DST: variants seen among roughly 807,000 people sequenced by gnomAD.
DST encodes the protein dystonin, also known as bullous pemphigoid antigen.
Under a neutral mutation model 875.2 loss-of-function variants are expected in DST, and 253 were observed. The ratio of observed to expected loss-of-function variants is 0.29; its 90% CI spans 0.26 to 0.32. The LOEUF (loss-of-function observed/expected upper bound fraction) is 0.32, where lower values mean the gene tolerates loss of function less well. DST is among the 10% of genes least tolerant of loss of function. The pLI is 1.00. For missense variants in DST, 8,287 were observed against 9,111.6 expected, an observed-to-expected ratio of 0.91 and a Z score of 3.68; for synonymous variants, 3,124 against 3,197.1, an observed-to-expected ratio of 0.98 and a Z score of 0.77.
At chr6:56,883,289 G>T (rs1235838366) in intron 3 of DST, among the ~76,000 whole-genome samples, 2 of 152,140 alleles carry the variant, frequency 1.3e-5, no homozygotes, top group Non-Finnish European at 2.9e-5. Flanking sequence ...TAAAACAGAA[G>T]AATATGCCTA....
At chr6:56,922,767 T>C (rs1162277552) in intron 2 of DST, among the ~76,000 whole-genome samples, 1 of 152,188 alleles carries the variant, frequency 6.6e-6, no homozygotes, top group African/African-American at 2.4e-5. Context: ...TTCTTCTTTA[T>C]TGTTTGGAAT....
chr6:56,707,198 T>C (rs1452925109), intron 5 of DST, among the ~76,000 whole-genome samples: 2 of 152,166 alleles, frequency 1.3e-5, no homozygotes, highest in Non-Finnish European at 2.9e-5. Flanking sequence ...GGGACTCTTG[T>C]ATTAGAGCAC....
rs547846036 is a variant in DST at position 56,536,853 on chromosome 6, T to C, written c.16696A>G (p.Lys5566Glu). Residue 5566 changes from lysine to glutamate, a missense_variant, in exon 62 of 104, where the codon AAA becomes GAA. By Grantham distance (56) the Lys-to-Glu change is moderately conservative. Coordinates refer to ENST00000680361, the MANE Select transcript of DST (RefSeq NM_001374736.1). The part of the protein sequence containing the change: ...LGQGLIQSAA[K>E]STSTQGLEHD... Reference sequence around the variant, plus strand: ...TCCAAGCCCTGAGTGCTAGTGCTTTTGGCAGCACTCTGAATAAGGCCTTGA... The same window carrying C: ...TCCAAGCCCTGAGTGCTAGTGCTTTCGGCAGCACTCTGAATAAGGCCTTGA... 6.2e-7 allele frequency: 1 copy of C among 1,613,572 alleles called. No homozygotes were observed. The highest frequency in any genetic ancestry group is 8.5e-7 in the Non-Finnish European group (1 of 1,179,580).
intron 2 of DST, among the ~76,000 whole-genome samples, chr6:56,935,247 G>C (rs761818901): frequency 6.6e-6 from 1 of 152,084 alleles, no homozygotes. Context: ...TATTTCAAGA[G>C]AGTCTAAACA....
intron 4 of DST, chr6:56,843,147 C>T: frequency 6.4e-7 from 1 of 1,564,524 alleles, no homozygotes; most frequent in Non-Finnish European, 8.7e-7. Context: ...ACCCGCCATG[C>T]CGAAGTTTAT....
chr6:56,653,642 G>A (rs2098988336), intron 10 of DST, among the ~76,000 whole-genome samples: 1 of 152,106 alleles, frequency 6.6e-6, no homozygotes, highest in Admixed American at 6.5e-5. Context: ...CCGAGATCAT[G>A]CCACTGCACT....
intron 102 of DST, chr6:56,461,956 G>A (rs1161122973): frequency 6.6e-6 from 1 of 152,190 alleles, no homozygotes; most frequent in Non-Finnish European, 1.5e-5. Context: ...CCACTTCTCA[G>A]CAATGAGATT....
chr6:56,573,715 G>A lies in DST; in HGVS notation c.13200C>T (p.Asn4400=), dbSNP rs2097816389. ...TGATAATATCCTGAAGAGCAGTAGA[G>A]TTTAAAGGCACTTGACCTTGTTCTT... ...SLKEQGQVPL[N]STALQDIISK... Residue 4400 remains asparagine (N), a synonymous_variant, in exon 51 of 104, where the codon AAC becomes AAT. Coordinates refer to ENST00000680361, the MANE Select transcript of DST (RefSeq NM_001374736.1). The A allele has an allele frequency of 6.2e-7, 1 of 1,613,574 alleles. No individual in the cohort carries two copies. Among genetic ancestry groups the A allele is most frequent in the Non-Finnish European group, 8.5e-7 (1 of 1,179,600 alleles).
intron 84 of DST, 81 bp from the exon 85 acceptor site, chr6:56,492,514 G>C: frequency 1.5e-6 from 2 of 1,369,044 alleles, no homozygotes; most frequent in Non-Finnish European, 2.0e-6. Context: ...TCATAAACCT[G>C]AAATTATTTT....
rs2098458941 is a variant in DST, at chr6:56,602,905, T to C, written c.11284A>G (p.Lys3762Glu). ...GCCTTGAGAAACTCCAAACGTTTCTTTACATACTCAGAATCTTGAACATTC... is the reference window on the plus strand; with the variant it reads ...GCCTTGAGAAACTCCAAACGTTTCTCTACATACTCAGAATCTTGAACATTC... ...IVNVQDSEYV[K>E]KRLEFLKNVL... Residue 3762 changes from lysine to glutamate, a missense_variant, in exon 43 of 104, where the codon AAG (lysine) becomes GAG (glutamate). This residue lies in a region of DST where 3,138 missense variants were observed against 3,116.6 expected (regional missense o/e 1.01). Coordinates refer to ENST00000680361, the MANE Select transcript of DST (RefSeq NM_001374736.1). The C allele has an allele frequency of 6.4e-7, 1 of 1,553,718 alleles. No individual in the cohort carries two copies. The highest frequency in any genetic ancestry group is 1.4e-5 in the African/African-American group (1 of 72,048).
chr6:56,770,343 A>G (rs1018188564), intron 4 of DST, among the ~76,000 whole-genome samples: 2 of 152,236 alleles, frequency 1.3e-5, no homozygotes, highest in African/African-American at 4.8e-5. Flanking sequence ...ATAAAGTATG[A>G]TATAATTTTT....
intron 4 of DST, among the ~76,000 whole-genome samples, chr6:56,793,647 G>A (rs2099735012): frequency 6.6e-6 from 1 of 152,120 alleles, no homozygotes; most frequent in Non-Finnish European, 1.5e-5. Flanking sequence ...TCTTAGTGCA[G>A]CAAATTTCAG....
intron 4 of DST, among the ~76,000 whole-genome samples, chr6:56,774,745 C>T (rs2099674648): frequency 6.6e-6 from 1 of 152,138 alleles, no homozygotes. Flanking sequence ...CTAATCCCAG[C>T]ACTTTGGGAG....
intron 5 of DST, among the ~76,000 whole-genome samples, chr6:56,733,067 T>C (rs2099508567): frequency 6.6e-6 from 1 of 152,140 alleles, no homozygotes; most frequent in Non-Finnish European, 1.5e-5. Flanking sequence ...TGACTCCCTT[T>C]CTGTGAGAAG....
chr6:56,719,600 C>T (rs2099407069), intron 5 of DST, among the ~76,000 whole-genome samples: 1 of 152,190 alleles, frequency 6.6e-6, no homozygotes, highest in Admixed American at 6.5e-5. Flanking sequence ...CCACATCTTT[C>T]CTCAAAGAGA....
At chr6:56,635,555 A>C (rs1237512179) in intron 24 of DST, 34 bp downstream of exon 24, 18 of 1,610,022 alleles carry the variant, frequency 1.1e-5, no homozygotes, top group African/African-American at 4.0e-5. Context: ...TCACTTATGC[A>C]TACTTATAAA....
chr6:56,599,170 T>C (rs991392133), intron 45 of DST, among the ~76,000 whole-genome samples: 1 of 152,130 alleles, frequency 6.6e-6, no homozygotes, highest in Non-Finnish European at 1.5e-5. Context: ...GAATCTGTAA[T>C]ATGTAATGTT....
intron 57 of DST, among the ~76,000 whole-genome samples, chr6:56,561,098 C>CTA (rs2097530293): frequency 6.6e-6 from 1 of 152,042 alleles, no homozygotes; most frequent in Non-Finnish European, 1.5e-5. Context: ...GTTTGCTAAC[C>CTA]TATGACATGG....
intron 13 of DST, among the ~76,000 whole-genome samples, chr6:56,647,211 T>C (rs2098948125): frequency 6.6e-6 from 1 of 152,250 alleles, no homozygotes; most frequent in South Asian, 2.1e-4. Context: ...AGGACGTCTG[T>C]TGGTCATTAA....
Sources: allele counts gnomAD v4.1 joint callset (sites outside exome capture counted in the v4.1 genomes callset), GRCh38; gene constraint gnomAD v4.1.1; regional missense constraint gnomAD v4.1.1; transcripts MANE v1.5; gene names NCBI Gene and HGNC (gene_info 2026-07-23, HGNC 2026-07-21).